THEM4: variants seen among roughly 807,000 people sequenced by gnomAD.
THEM4 encodes acyl-coenzyme A thioesterase THEM4.
A neutral mutation model predicts 25.0 loss-of-function variants in THEM4; 22 were observed. That is an observed-to-expected ratio of 0.88 (90% CI 0.63 to 1.26). THEM4 has a LOEUF of 1.26. THEM4 is among the 50% of genes most tolerant of loss of function. The probability of loss-of-function intolerance (pLI) is 0.00; values close to 1 mark genes in which losing one functional copy is unlikely to be tolerated. For missense variants in THEM4, 286 were observed against 300.3 expected (o/e 0.95, Z 0.35); for synonymous variants, 113 against 105.6 (o/e 1.07, Z -0.43).
intron 1 of THEM4, among the ~76,000 whole-genome samples, chr1:151,905,861 C>T (rs1472566075): frequency 1.3e-5 from 2 of 152,222 alleles, no homozygotes; most frequent in Admixed American, 1.3e-4. Flanking sequence ...GCCGTCTGGG[C>T]ACCATAGTGA....
intron 1 of THEM4, among the ~76,000 whole-genome samples, chr1:151,907,247 G>A (rs1254437382): frequency 6.6e-6 from 1 of 152,170 alleles, no homozygotes; most frequent in African/African-American, 2.4e-5. Context: ...CCAGAAGGAA[G>A]AAACTCTGAA....
In THEM4 at chr1:151,909,497, A is replaced by G. The variant is rs958519830; in HGVS notation, c.-39T>C. The stretch of plus-strand genomic sequence containing the variant: ...GGGGCCGCGCTTGCTCTAGCCCTGG[A>G]CGGCGCACTCTACCTCCGCCACAAG... On this transcript the variant is annotated 5_prime_UTR_variant, in exon 1 of 6. Coordinates refer to ENST00000368814, the MANE Select transcript of THEM4 (RefSeq NM_053055.5). 3 of 1,337,382 alleles carry G rather than the reference A, an allele frequency of 2.2e-6. No individual in the cohort carries two copies. Among genetic ancestry groups the G allele is most frequent in the African/African-American group, 1.5e-5 (1 of 64,806 alleles). 82.8% of individuals were successfully genotyped at this position (1,337,382 alleles called of 1,614,324 possible).
At chr1:151,902,790 C>T (rs185895067) in intron 1 of THEM4, among the ~76,000 whole-genome samples, 18 of 152,212 alleles carry the variant, frequency 1.2e-4, no homozygotes, top group African/African-American at 2.9e-4. Context: ...GAGTTTGAGA[C>T]CAGCCTGGCC....
At chr1:151,892,715 C>A in intron 2 of THEM4, among the ~76,000 whole-genome samples, 1 of 152,148 alleles carries the variant, frequency 6.6e-6, no homozygotes, top group East Asian at 1.9e-4. Flanking sequence ...AGTTGCACAG[C>A]TTTAAATTGT....
chr1:151,882,776 T>A (rs1285776625), intron 4 of THEM4, among the ~76,000 whole-genome samples: 2 of 152,154 alleles, frequency 1.3e-5, no homozygotes, highest in African/African-American at 4.8e-5. Flanking sequence ...ACAAATGAAC[T>A]CTTGATTAAA....
At chr1:151,902,605 TACTC>T (rs1654374862) in intron 1 of THEM4, among the ~76,000 whole-genome samples, 1 of 152,068 alleles carries the variant, frequency 6.6e-6, no homozygotes, top group South Asian at 2.1e-4. Flanking sequence ...GTAAAGAACT[TACTC>T]ATGTAACCAA....
Position 151,874,897 on chromosome 1 carries a change from A to G in THEM4, c.714T>C (p.Ser238=). 2 of 1,613,834 alleles carry G rather than the reference A, an allele frequency of 1.2e-6. No individual in the cohort carries two copies. Among genetic ancestry groups the G allele is most frequent in the Non-Finnish European group, 1.7e-6 (2 of 1,179,758 alleles). The change falls in exon 6 of 6, where the codon AGT becomes AGC. Residue 238 remains serine, a synonymous_variant. Transcript: ENST00000368814. The part of the protein sequence containing the change: ...SLFIKLNPAK[S]LT ...GTTCACCAGCAGCTCTTTATGTCAG[A>G]CTTTTAGCAGGATTCAGCTTTATAA...
chr1:151,895,165 A>G lies in THEM4; in HGVS notation c.129T>C (p.Leu43=). Residue 43 remains leucine (L), a synonymous_variant, in exon 2 of 6, where the codon CTT becomes CTC. Coordinates refer to ENST00000368814, the MANE Select transcript of THEM4 (RefSeq NM_053055.5). ...LRSFSSEEVI[L]KDCSVPNPSW... ...TGGGGTTGGGGACAGAACAGTCCTT[A>G]AGAATGACTTCCTCAGAAGAAAATG... 1 of 1,612,098 alleles carries G rather than the reference A, an allele frequency of 6.2e-7. No individual in the cohort carries two copies. The highest frequency in any genetic ancestry group is 1.7e-4 in the Middle Eastern group (1 of 6,060).
chr1:151,874,757 A>C lies in THEM4; in HGVS notation c.*131T>G. 1.3e-6 allele frequency: 1 copy of C among 799,036 alleles called. No homozygotes were observed. Among genetic ancestry groups the C allele is most frequent in the Non-Finnish European group, 2.2e-6 (1 of 463,860 alleles). 49.5% of individuals were successfully genotyped at this position (799,036 alleles called of 1,614,324 possible). ...GAAACTGAATCCTCTTTGTATTCAG[A>C]AGGCTGTTTCGGAAGGTCACTGTTG... On this transcript the variant is annotated 3_prime_UTR_variant, in exon 6 of 6. Transcript: ENST00000368814.
intron 1 of THEM4, among the ~76,000 whole-genome samples, chr1:151,905,489 A>G (rs1654437573): frequency 6.6e-6 from 1 of 152,174 alleles, no homozygotes; most frequent in Admixed American, 6.5e-5. Flanking sequence ...TGAGGCAGGA[A>G]ATTGAAGAAA....
intron 1 of THEM4, among the ~76,000 whole-genome samples, chr1:151,902,120 C>A (rs1654366704): frequency 6.6e-6 from 1 of 152,114 alleles, no homozygotes; most frequent in Non-Finnish European, 1.5e-5. Context: ...TAAAAAAACT[C>A]AAAAAACAGT....
At chr1:151,907,599 A>C (rs1010898319) in intron 1 of THEM4, among the ~76,000 whole-genome samples, 1 of 152,184 alleles carries the variant, frequency 6.6e-6, no homozygotes, top group African/African-American at 2.4e-5. Context: ...GAGTGCACTC[A>C]ATAAAGTTCT....
Position 151,874,822 on chromosome 1 carries a change from G to C in THEM4, c.*66C>G. On this transcript the variant is annotated 3_prime_UTR_variant, in exon 6 of 6. Transcript: ENST00000368814. Reference sequence around the variant, plus strand: ...ACAGGGATTCAGCAGTGAGGGAGCAGAGTATTTGGGGGACAACTGCTTCTT... The same window carrying C: ...ACAGGGATTCAGCAGTGAGGGAGCACAGTATTTGGGGGACAACTGCTTCTT... The C allele has an allele frequency of 6.8e-7, 1 of 1,460,166 alleles. No individual in the cohort carries two copies. Among genetic ancestry groups the C allele is most frequent in the Admixed American group, 1.7e-5 (1 of 59,800 alleles). 90.5% of individuals were successfully genotyped at this position (1,460,166 alleles called of 1,614,324 possible). A position where few individuals can be genotyped will look rare whatever the true frequency, so the allele number is the denominator to read the frequency against.
Position 151,874,549 on chromosome 1 carries a change from T to G in THEM4, c.*339A>C, listed in dbSNP as rs971837811. 6.2e-5 allele frequency: 16 copies of G among 256,648 alleles called. No individual in the cohort carries two copies. The highest frequency in any genetic ancestry group is 3.6e-4 in the African/African-American group (16 of 44,764). The allele number at this position is 256,648 out of a possible 1,614,324, so 15.9% of individuals were successfully genotyped here. ...GCCACCATGCCTGGATAATTTTTTG[T>G]ATTTTAGTAGAGACGGAGTTTCATC... On this transcript the variant is annotated 3_prime_UTR_variant, in exon 6 of 6. Transcript: ENST00000368814.
intron 4 of THEM4, among the ~76,000 whole-genome samples, chr1:151,881,493 G>C (rs1036907374): frequency 3.3e-5 from 5 of 152,148 alleles, no homozygotes; most frequent in Admixed American, 2.0e-4. Flanking sequence ...GAGCTCCCTG[G>C]GTGTTGTCCT....
chr1:151,884,006 T>C (rs1417002534), intron 4 of THEM4, among the ~76,000 whole-genome samples: 2 of 151,260 alleles, frequency 1.3e-5, no homozygotes, highest in African/African-American at 2.4e-5. Flanking sequence ...ACCCAGGAGG[T>C]AGAGGTTGCA....
At chr1:151,899,298 C>T (rs1445729976) in intron 1 of THEM4, among the ~76,000 whole-genome samples, 2 of 152,180 alleles carry the variant, frequency 1.3e-5, no homozygotes, top group East Asian at 3.9e-4. Context: ...TGAGACCATC[C>T]TGGCCAACAT....
chr1:151,903,307 A>G (rs1468098108), intron 1 of THEM4, among the ~76,000 whole-genome samples: 5 of 152,148 alleles, frequency 3.3e-5, no homozygotes, highest in Non-Finnish European at 7.3e-5. Context: ...TATACTTGTA[A>G]TCTCAGTAAA....
At chr1:151,881,555 C>T (rs953890066) in intron 4 of THEM4, among the ~76,000 whole-genome samples, 1 of 152,138 alleles carries the variant, frequency 6.6e-6, no homozygotes, top group Non-Finnish European at 1.5e-5. Context: ...CTTCATTTTG[C>T]GCTCATTTTT....
Sources: gnomAD v4.1 joint callset for allele counts (sites outside exome capture counted in the v4.1 genomes callset) on GRCh38, gnomAD v4.1.1 for gene constraint, MANE v1.5 for transcripts, NCBI Gene and HGNC (gene_info 2026-07-23, HGNC 2026-07-21) for gene names.